The following ERC1 variants were observed in gnomAD, a reference collection of about 807,000 sequenced individuals.
ERC1 encodes the protein RAB6 interacting protein 2.
Under a neutral mutation model 132.0 loss-of-function variants are expected in ERC1, and 56 were observed. The ratio of observed to expected loss-of-function variants is 0.42; its 90% confidence interval spans 0.34 to 0.53. ERC1 has a LOEUF of 0.53. Ranked by LOEUF, ERC1 falls within the 20% of genes least tolerant of loss-of-function variation. The pLI, the probability that ERC1 is intolerant of heterozygous loss-of-function variation, is 0.03. For missense variants in ERC1, 1,202 were observed against 1,349.9 expected, an observed-to-expected ratio of 0.89 and a Z score of 1.72; for synonymous variants, 478 against 476.1, an observed-to-expected ratio of 1.00 and a Z score of -0.05.
chr12:1,045,186 TA>T (rs1437497099), intron 2 of ERC1, among the ~76,000 whole-genome samples: 1 of 152,152 alleles, frequency 6.6e-6, no homozygotes, highest in Non-Finnish European at 1.5e-5. Context: ...CTGTGCTTTT[TA>T]AATTCTTACA....
rs570042143 is a variant in ERC1, at chr12:1,316,182, C to T, written c.2780+26170C>T. On this transcript the variant is annotated intron_variant, in intron 15 of 18. Coordinates refer to ENST00000360905, the MANE Select transcript of ERC1 (RefSeq NM_178040.4). ...GATTACTGGCTTGAGCCACCGCGCCCGGCTGGTAAACATCTTTTTATAGCT... is the reference window on the plus strand; with the variant it reads ...GATTACTGGCTTGAGCCACCGCGCCTGGCTGGTAAACATCTTTTTATAGCT... Among the ~76,000 whole-genome samples, 130 of 152,242 alleles carry T rather than the reference C, an allele frequency of 8.5e-4. 1 individual carries two copies. Among genetic ancestry groups the T allele is most frequent in the African/African-American group, 2.7e-3 (114 of 41,542 alleles).
intron 18 of ERC1, among the ~76,000 whole-genome samples, chr12:1,460,515 A>T (rs190342185): frequency 6.6e-5 from 10 of 152,308 alleles, no homozygotes; most frequent in Admixed American, 5.2e-4. Context: ...CATCCATTTC[A>T]TTACCATTAC....
intron 12 of ERC1, among the ~76,000 whole-genome samples, chr12:1,199,879 A>T (rs1321337957): frequency 6.6e-6 from 1 of 152,072 alleles, no homozygotes; most frequent in African/African-American, 2.4e-5. Flanking sequence ...AAAATCAACA[A>T]GATTAGCCCA....
chr12:1,277,830 T>C (rs555060319), intron 14 of ERC1, among the ~76,000 whole-genome samples: 1 of 152,330 alleles, frequency 6.6e-6, no homozygotes, highest in Non-Finnish European at 1.5e-5. Flanking sequence ...GAACATGATA[T>C]TGATAAGCAT....
intron 15 of ERC1, among the ~76,000 whole-genome samples, chr12:1,334,364 G>C (rs756013038): frequency 6.6e-6 from 1 of 152,044 alleles, no homozygotes; most frequent in Non-Finnish European, 1.5e-5. Flanking sequence ...TTATAGTTTT[G>C]GGTTTTACAT....
intron 16 of ERC1, among the ~76,000 whole-genome samples, chr12:1,396,017 C>T (rs12424140): frequency 0.3 from 45,135 of 151,548 alleles, 6,919 homozygotes; most frequent in Middle Eastern, 0.35. Context: ...AATCTATTTG[C>T]GTGGAAGGAA....
intron 2 of ERC1, among the ~76,000 whole-genome samples, chr12:1,061,250 TCTCTC>T (rs1037054268): frequency 1.6e-4 from 25 of 152,120 alleles, no homozygotes; most frequent in African/African-American, 6.0e-4. Context: ...GTTTGAGTCT[TCTCTC>T]TTCTTAGTCT....
rs184772360 is a variant in ERC1, at chr12:1,052,344, C to T, written c.669+23772C>T. Among the ~76,000 whole-genome samples the T allele has an allele frequency of 1.2e-3, 178 of 152,272 alleles. 1 individual carries two copies. In the Middle Eastern group the frequency reaches 0.017, roughly 15 times the overall value. On this transcript the variant is annotated intron_variant, in intron 2 of 18. Coordinates refer to ENST00000360905, the MANE Select transcript of ERC1 (RefSeq NM_178040.4). ...TGAACTTTAAAAATAATTACGTAAA[C>T]ACAAACCTGTGTTTCCATCACCTAG...
In ERC1 at chr12:1,188,844, A is replaced by G. The variant is rs1397537071; in HGVS notation, c.2158-1015A>G. Among the ~76,000 whole-genome samples, 4 of 152,170 alleles carry G rather than the reference A, an allele frequency of 2.6e-5. No homozygotes were observed. The East Asian group carries it at 5.8e-4, about 22-fold the overall frequency. ...AGGGACTAAATATATTCTGTTGTCT[A>G]TTGAATAAGAAAAAATAAAACGTCT... On this transcript the variant is annotated intron_variant, in intron 11 of 18. Coordinates refer to ENST00000360905, the MANE Select transcript of ERC1 (RefSeq NM_178040.4).
At chr12:1,009,267 C>T (rs993329456) in intron 1 of ERC1, among the ~76,000 whole-genome samples, 9 of 151,800 alleles carry the variant, frequency 5.9e-5, no homozygotes, top group African/African-American at 1.9e-4. Flanking sequence ...CTCCGCCTCC[C>T]GGGTTCACGC....
chr12:1,058,814 C>G (rs141264680), intron 2 of ERC1, among the ~76,000 whole-genome samples: 2 of 111,018 alleles, frequency 1.8e-5, no homozygotes, highest in African/African-American at 7.5e-5. Flanking sequence ...TTTTAAGAGA[C>G]GAGGTCTTGC....
chr12:1,482,472 G>A (rs2094112630), intron 18 of ERC1, among the ~76,000 whole-genome samples: 1 of 152,092 alleles, frequency 6.6e-6, no homozygotes, highest in East Asian at 1.9e-4. Flanking sequence ...TTGAGATGGA[G>A]TTTCGCTCTT....
intron 8 of ERC1, among the ~76,000 whole-genome samples, chr12:1,158,292 A>G (rs1251833536): frequency 1.3e-5 from 2 of 152,032 alleles, no homozygotes; most frequent in South Asian, 2.1e-4. Flanking sequence ...TCAGTTTTAT[A>G]TTGTGTTGTT....
intron 17 of ERC1, among the ~76,000 whole-genome samples, chr12:1,418,792 A>T (rs903471666): frequency 4.0e-5 from 6 of 150,734 alleles, no homozygotes; most frequent in African/African-American, 1.5e-4. Flanking sequence ...AGCTTACCGT[A>T]GCCTCGGACT....
chr12:1,225,199 C>T (rs929591465), intron 12 of ERC1, among the ~76,000 whole-genome samples: 1 of 151,946 alleles, frequency 6.6e-6, no homozygotes, highest in Non-Finnish European at 1.5e-5. Flanking sequence ...ATGCTCACAC[C>T]TGTAATCTCA....
rs954402494 is a variant in ERC1 at position 1,495,007 on chromosome 12, G to C, written c.*4777G>C. ...GCCGAGCAAAAGGAACGAGAATCTG[G>C]GGCTCAGAGCCTCGCAGTTGTGCCA... On this transcript the variant is annotated 3_prime_UTR_variant, in exon 19 of 19. Transcript: ENST00000360905. 4.3e-5 allele frequency: 10 copies of C among 229,896 alleles called. No individual in the cohort carries two copies. The highest frequency in any genetic ancestry group is 2.2e-4 in the African/African-American group (10 of 45,236). 14.2% of individuals were successfully genotyped at this position (229,896 alleles called of 1,614,324 possible). A position where few individuals can be genotyped will look rare whatever the true frequency, so the allele number is the denominator to read the frequency against.
At chr12:1,281,157 TC>T (rs1279918727) in intron 14 of ERC1, among the ~76,000 whole-genome samples, 1 of 152,224 alleles carries the variant, frequency 6.6e-6, no homozygotes, top group East Asian at 1.9e-4. Flanking sequence ...AAGGGCTGAA[TC>T]CCTACATGGT....
chr12:1,264,461 G>A (rs565532573), intron 14 of ERC1, among the ~76,000 whole-genome samples: 4 of 152,060 alleles, frequency 2.6e-5, no homozygotes, highest in African/African-American at 7.2e-5. Context: ...TCAGGAGATC[G>A]AGACCATCCT....
At chr12:1,079,192 A>G (rs1433089292) in intron 2 of ERC1, among the ~76,000 whole-genome samples, 3 of 149,346 alleles carry the variant, frequency 2.0e-5, no homozygotes, top group Non-Finnish European at 4.5e-5. Flanking sequence ...TAATATGACA[A>G]AAGTCGATAT....
Sources: gnomAD v4.1 joint callset for allele counts (sites outside exome capture counted in the v4.1 genomes callset) on GRCh38, gnomAD v4.1.1 for gene constraint, MANE v1.5 for transcripts, NCBI Gene and HGNC (gene_info 2026-07-23, HGNC 2026-07-21) for gene names.